TBC1D14: variants seen among roughly 807,000 people sequenced by gnomAD.
The protein encoded by TBC1D14 is TBC1 domain family, member 14.
A neutral mutation model predicts 79.0 loss-of-function variants in TBC1D14; 26 were observed. The observed-to-expected ratio is 0.33, with a 90% confidence interval of 0.24 to 0.46. The LOEUF (loss-of-function observed/expected upper bound fraction) is 0.46. TBC1D14 is among the 20% of genes least tolerant of loss of function. The probability of loss-of-function intolerance (pLI) is 1.00; values close to 1 mark genes in which losing one functional copy is unlikely to be tolerated. For missense variants in TBC1D14, 769 were observed against 887.6 expected (o/e 0.87, Z 1.70); for synonymous variants, 394 against 349.9 (o/e 1.13, Z -1.40).
intron 2 of TBC1D14, among the ~76,000 whole-genome samples, chr4:6,957,190 G>A (rs929597547): frequency 3.9e-5 from 6 of 152,224 alleles, no homozygotes; most frequent in Non-Finnish European, 8.8e-5. Context: ...ACCGGTACTT[G>A]CCTGGGGAGG....
chr4:6,954,275 C>T (rs1285227194), intron 2 of TBC1D14: 2 of 717,390 alleles, frequency 2.8e-6, no homozygotes, highest in Non-Finnish European at 5.2e-6. Context: ...CAGCCGGCCC[C>T]TCGGAGCTGC....
intron 10 of TBC1D14, among the ~76,000 whole-genome samples, chr4:7,010,345 G>T (rs1720626594): frequency 6.6e-6 from 1 of 152,206 alleles, no homozygotes; most frequent in Non-Finnish European, 1.5e-5. Context: ...CAAGTCTACG[G>T]CACCGGGACA....
intron 1 of TBC1D14, among the ~76,000 whole-genome samples, chr4:6,918,074 G>C (rs920550514): frequency 1.3e-5 from 2 of 152,204 alleles, no homozygotes; most frequent in African/African-American, 4.8e-5. Context: ...CCATAGGAGA[G>C]GCCACTGGGC....
At chr4:7,010,023 C>G in intron 10 of TBC1D14, 75 bp downstream of exon 10, 1 of 1,529,546 alleles carries the variant, frequency 6.5e-7, no homozygotes, top group Non-Finnish European at 9.0e-7. Context: ...CACGTGTTAG[C>G]TGCAAATGTC....
At chr4:6,985,514 A>G (rs1717741474) in intron 3 of TBC1D14, among the ~76,000 whole-genome samples, 1 of 152,242 alleles carries the variant, frequency 6.6e-6, no homozygotes, top group Non-Finnish European at 1.5e-5. Context: ...GTGTTTGTAC[A>G]CACATATATG....
intron 2 of TBC1D14, among the ~76,000 whole-genome samples, chr4:6,952,592 A>C (rs1004708396): frequency 5.3e-5 from 8 of 152,264 alleles, no homozygotes; most frequent in African/African-American, 1.9e-4. Context: ...CTATGAAATA[A>C]AAGTAAAATT....
intron 7 of TBC1D14, among the ~76,000 whole-genome samples, chr4:7,002,702 GGGCA>G (rs1255479415): frequency 6.6e-6 from 1 of 152,150 alleles, no homozygotes; most frequent in Non-Finnish European, 1.5e-5. Context: ...TCTCTGCATG[GGGCA>G]GGCCCTTAAG....
chr4:7,006,196 A>G (rs1720181256), intron 8 of TBC1D14, among the ~76,000 whole-genome samples: 1 of 152,124 alleles, frequency 6.6e-6, no homozygotes, highest in Admixed American at 6.6e-5. Context: ...AAAAAGAAAT[A>G]TTACATGAGT....
chr4:6,941,719 C>T (rs1712926928), intron 2 of TBC1D14, among the ~76,000 whole-genome samples: 1 of 152,200 alleles, frequency 6.6e-6, no homozygotes, highest in Non-Finnish European at 1.5e-5. Flanking sequence ...AGAAAATGCA[C>T]AGAGGGCAAG....
Position 7,014,531 on chromosome 4 carries a change from A to G in TBC1D14, c.1731A>G (p.Leu577=). 1 of 1,613,164 alleles carries G rather than the reference A, an allele frequency of 6.2e-7. No homozygotes were observed. The highest frequency in any genetic ancestry group is 8.5e-7 in the Non-Finnish European group (1 of 1,179,216). Residue 577 remains leucine, a synonymous_variant, in exon 12 of 14, where the codon CTA becomes CTG. Coordinates refer to ENST00000409757, the MANE Select transcript of TBC1D14 (RefSeq NM_020773.3). Reference sequence around the variant, plus strand: ...TTGCGCATTTCAAGAAGAACAACCTAACTCCAGATATCTACCTAATTGATT... The same window carrying G: ...TTGCGCATTTCAAGAAGAACAACCTGACTCCAGATATCTACCTAATTGATT... ...KLFAHFKKNN[L]TPDIYLIDWI... is the part of the protein sequence containing the mutation.
chr4:6,946,486 A>AT (rs2108990658), intron 2 of TBC1D14, among the ~76,000 whole-genome samples: 1 of 152,076 alleles, frequency 6.6e-6, no homozygotes, highest in South Asian at 2.1e-4. Context: ...GGCCCAGCTA[A>AT]TTTTTGTATT....
At chr4:6,962,427 G>T (rs1560286229) in intron 2 of TBC1D14, among the ~76,000 whole-genome samples, 1 of 152,152 alleles carries the variant, frequency 6.6e-6, no homozygotes, top group Non-Finnish European at 1.5e-5. Context: ...CTGCAGGTGA[G>T]TCTCACCAGG....
At chr4:6,944,989 G>T (rs956765437) in intron 2 of TBC1D14, among the ~76,000 whole-genome samples, 1 of 152,184 alleles carries the variant, frequency 6.6e-6, no homozygotes, top group Non-Finnish European at 1.5e-5. Context: ...CCAATCCCCA[G>T]CTAACCCCAG....
intron 2 of TBC1D14, among the ~76,000 whole-genome samples, chr4:6,946,688 T>C (rs548208507): frequency 1.8e-4 from 28 of 152,134 alleles, no homozygotes; most frequent in Admixed American, 1.1e-3. Context: ...ATTGATGATA[T>C]CTCCATTCTA....
intron 13 of TBC1D14, among the ~76,000 whole-genome samples, chr4:7,029,751 G>A (rs1722853532): frequency 6.6e-6 from 1 of 152,186 alleles, no homozygotes; most frequent in Non-Finnish European, 1.5e-5. Flanking sequence ...CTTGAACCCG[G>A]GGGTCAGAGA....
chr4:7,023,963 A>G (rs1404226042), intron 12 of TBC1D14, among the ~76,000 whole-genome samples: 1 of 152,122 alleles, frequency 6.6e-6, no homozygotes, highest in Non-Finnish European at 1.5e-5. Context: ...TTTTACTGTT[A>G]GAAGGTTCTG....
In TBC1D14 at chr4:7,007,470, C is replaced by G. The variant is rs996107542; in HGVS notation, c.1446+744C>G. On this transcript the variant is annotated intron_variant, in intron 9 of 13. Transcript: ENST00000409757. ...ACGGGTTTTTGCGGGGGCAGTTGTT[C>G]TTGCAGAATACCTTTGCACCTGTCC... 2.6e-6 allele frequency: 3 copies of G among 1,172,348 alleles called. No individual in the cohort carries two copies. In the African/African-American group the frequency reaches 4.8e-5, roughly 19 times the overall value. The allele number at this position is 1,172,348 out of a possible 1,614,324, so 72.6% of individuals were successfully genotyped here. A position where few individuals can be genotyped will look rare whatever the true frequency, so the allele number is the denominator to read the frequency against.
chr4:6,947,492 T>C (rs1433636046), intron 2 of TBC1D14, among the ~76,000 whole-genome samples: 4 of 85,512 alleles, frequency 4.7e-5, no homozygotes, highest in African/African-American at 1.4e-4. Flanking sequence ...AGCAAGACCC[T>C]GTCTCAAAAA....
intron 13 of TBC1D14, among the ~76,000 whole-genome samples, chr4:7,027,510 C>T (rs1722522551): frequency 6.8e-6 from 1 of 146,526 alleles, no homozygotes; most frequent in African/African-American, 2.5e-5. Context: ...CTACACCTCA[C>T]ACCCAGTCAC....
Sources: gnomAD v4.1 joint callset for allele counts (sites outside exome capture counted in the v4.1 genomes callset) on GRCh38, gnomAD v4.1.1 for gene constraint, MANE v1.5 for transcripts, NCBI Gene and HGNC (gene_info 2026-07-23, HGNC 2026-07-21) for gene names.